The following AKAP19 variants were observed in gnomAD, a reference collection of about 807,000 sequenced individuals.
The protein encoded by AKAP19 is A-kinase anchoring protein 19.
At chr2:189,924,190 A>G in the AKAP19 span, 1 of 1,497,988 alleles carries the variant, frequency 6.7e-7, no homozygotes. Flanking sequence ...TGACAGAGAC[A>G]GCGCCAATGG....
chr2:190,185,560 T>C, the AKAP19 span, among the ~76,000 whole-genome samples: 1 of 152,196 alleles, frequency 6.6e-6, no homozygotes, highest in Non-Finnish European at 1.5e-5. Context: ...TCAACATTCA[T>C]GGCCATAAAT....
the AKAP19 span, chr2:189,917,880 T>C: frequency 6.6e-6 from 1 of 152,278 alleles, no homozygotes; most frequent in African/African-American, 2.4e-5. Flanking sequence ...TATTTATCTG[T>C]TTTATTTTTT....
At chr2:190,015,130 G>A in the AKAP19 span, among the ~76,000 whole-genome samples, 19 of 152,128 alleles carry the variant, frequency 1.2e-4, no homozygotes, top group African/African-American at 3.9e-4. Context: ...GCTCCACTAG[G>A]CAGGGCCCCA....
the AKAP19 span, among the ~76,000 whole-genome samples, chr2:189,978,513 C>T: frequency 2.6e-5 from 4 of 152,012 alleles, no homozygotes; most frequent in Admixed American, 6.6e-5. Flanking sequence ...CCCAGCTACT[C>T]GGAAGGCTGA....
chr2:189,894,740 A>T, the AKAP19 span, among the ~76,000 whole-genome samples: 1 of 151,274 alleles, frequency 6.6e-6, no homozygotes, highest in Non-Finnish European at 1.5e-5. Context: ...ATGTTATATA[A>T]ACAATATTTC....
the AKAP19 span, among the ~76,000 whole-genome samples, chr2:190,137,300 C>G: frequency 6.6e-6 from 1 of 152,070 alleles, no homozygotes; most frequent in Non-Finnish European, 1.5e-5. Flanking sequence ...TTATATAGTT[C>G]AAATTCTCAA....
chr2:189,881,821 A>G, the AKAP19 span, among the ~76,000 whole-genome samples: 1 of 152,352 alleles, frequency 6.6e-6, no homozygotes, highest in Non-Finnish European at 1.5e-5. Context: ...ACTAGAATCT[A>G]AGAACAGATG....
At chr2:190,010,068 C>T in the AKAP19 span, among the ~76,000 whole-genome samples, 2 of 152,064 alleles carry the variant, frequency 1.3e-5, no homozygotes, top group African/African-American at 2.4e-5. Flanking sequence ...AAACACCATG[C>T]TCATGTGTTG....
At chr2:190,043,107 C>G in the AKAP19 span, among the ~76,000 whole-genome samples, 3 of 152,122 alleles carry the variant, frequency 2.0e-5, no homozygotes, top group Admixed American at 2.0e-4. Context: ...TGCCCTTTCT[C>G]TCTAGCTGCC....
the AKAP19 span, among the ~76,000 whole-genome samples, chr2:189,937,858 C>T: frequency 0.016 from 2,400 of 152,172 alleles, 54 homozygotes; most frequent in African/African-American, 0.055. Flanking sequence ...GGAGTTTCCT[C>T]AAAAAACTAA....
At chr2:190,152,962 T>C in the AKAP19 span, among the ~76,000 whole-genome samples, 1 of 151,958 alleles carries the variant, frequency 6.6e-6, no homozygotes, top group Non-Finnish European at 1.5e-5. Flanking sequence ...GTGGCGTGAT[T>C]TCAGCTTACT....
the AKAP19 span, among the ~76,000 whole-genome samples, chr2:190,023,547 C>T: frequency 1.3e-5 from 2 of 151,920 alleles, no homozygotes; most frequent in Non-Finnish European, 2.9e-5. Context: ...GGTGGAATAT[C>T]TTGAGAAATA....
At chr2:190,000,810 T>C in the AKAP19 span, among the ~76,000 whole-genome samples, 1 of 152,228 alleles carries the variant, frequency 6.6e-6, no homozygotes, top group Non-Finnish European at 1.5e-5. Context: ...AGACTTTGTC[T>C]TTCAACATTA....
At chr2:189,919,679 T>C in the AKAP19 span, among the ~76,000 whole-genome samples, 1 of 152,214 alleles carries the variant, frequency 6.6e-6, no homozygotes, top group Non-Finnish European at 1.5e-5. Flanking sequence ...CTGAGGATGA[T>C]GGCTTCCAGC....
chr2:190,040,629 G>A, the AKAP19 span, among the ~76,000 whole-genome samples: 1 of 152,050 alleles, frequency 6.6e-6, no homozygotes, highest in Non-Finnish European at 1.5e-5. Flanking sequence ...TGTCTAGTTT[G>A]TCTTCCAGGG....
chr2:190,033,083 C>G, the AKAP19 span, among the ~76,000 whole-genome samples: 6 of 152,160 alleles, frequency 3.9e-5, no homozygotes, highest in Non-Finnish European at 1.5e-5. Context: ...AGAACAACTT[C>G]TTTTTCCTTG....
the AKAP19 span, among the ~76,000 whole-genome samples, chr2:189,972,667 G>T: frequency 1.3e-5 from 2 of 152,052 alleles, no homozygotes; most frequent in Non-Finnish European, 2.9e-5. Context: ...TTGAGCAGTG[G>T]TTTGTAGTTC....
At chr2:190,121,443 C>G in the AKAP19 span, among the ~76,000 whole-genome samples, 2 of 152,232 alleles carry the variant, frequency 1.3e-5, no homozygotes, top group Admixed American at 1.3e-4. Context: ...TTTTTGATAG[C>G]TATCTACCCC....
chr2:189,994,946 C>T, the AKAP19 span, among the ~76,000 whole-genome samples: 1 of 152,086 alleles, frequency 6.6e-6, no homozygotes, highest in East Asian at 1.9e-4. Flanking sequence ...TTGAGGGTTC[C>T]TTTTGGAGTT....
Sources: allele counts gnomAD v4.1 joint callset (sites outside exome capture counted in the v4.1 genomes callset), GRCh38; gene constraint gnomAD v4.1.1; transcripts MANE v1.5; gene names NCBI Gene and HGNC (gene_info 2026-07-23, HGNC 2026-07-21).